The following SMIM36 variants were observed in gnomAD, a reference collection of about 807,000 sequenced individuals.
SMIM36 encodes small integral membrane protein 36.
intron 1 of SMIM36, among the ~76,000 whole-genome samples, chr17:55,488,834 T>A (rs540331514): frequency 2.6e-5 from 4 of 152,254 alleles, no homozygotes; most frequent in South Asian, 4.1e-4. Flanking sequence ...ATATATCTGA[T>A]CAAACGGCCC....
chr17:55,462,807 GA>G (rs1909168361), intron 4 of SMIM36, among the ~76,000 whole-genome samples: 2 of 152,120 alleles, frequency 1.3e-5, no homozygotes, highest in African/African-American at 4.8e-5. Context: ...GTCAGGCCCA[GA>G]GACAGAATAC....
At chr17:55,466,745 C>G (rs1197827972) in intron 4 of SMIM36, among the ~76,000 whole-genome samples, 2 of 152,114 alleles carry the variant, frequency 1.3e-5, no homozygotes, top group Non-Finnish European at 2.9e-5. Flanking sequence ...GGAAGCACCC[C>G]GGGTCTGCTC....
chr17:55,489,018 C>A (rs993753442), intron 1 of SMIM36, among the ~76,000 whole-genome samples: 1 of 152,082 alleles, frequency 6.6e-6, no homozygotes, highest in African/African-American at 2.4e-5. Context: ...CACAACTCTG[C>A]GGTAGATACC....
upstream of SMIM36, among the ~76,000 whole-genome samples, chr17:55,512,057 G>A (rs1378612040): frequency 6.6e-6 from 1 of 152,160 alleles, no homozygotes; most frequent in African/African-American, 2.4e-5. Context: ...TTTAAGAACA[G>A]TGGAAATCAG....
chr17:55,453,225 G>A (rs1232562065), intron 4 of SMIM36, among the ~76,000 whole-genome samples: 1 of 152,018 alleles, frequency 6.6e-6, no homozygotes, highest in Non-Finnish European at 1.5e-5. Context: ...ACTGAGGCGG[G>A]AAGATGGCTT....
chr17:55,523,680 C>T, the SMIM36 span, among the ~76,000 whole-genome samples: 3 of 152,110 alleles, frequency 2.0e-5, no homozygotes. Flanking sequence ...TAGGTTTCTG[C>T]TGTTTAGGGC....
At chr17:55,501,019 GTAATATATAATATATTATTATATATTA>G (rs1909924859) in intron 1 of SMIM36, among the ~76,000 whole-genome samples, 2 of 4,882 alleles carry the variant, frequency 4.1e-4, no homozygotes, top group Non-Finnish European at 2.9e-4. Context: ...ATTATATTTT[GTAATATATAATATATTATTATATATTA>G]TAATATATAA....
chr17:55,529,100 T>G, the SMIM36 span, among the ~76,000 whole-genome samples: 1 of 152,160 alleles, frequency 6.6e-6, no homozygotes, highest in Non-Finnish European at 1.5e-5. Flanking sequence ...CACCAACTAT[T>G]TAAACTTGTG....
At chr17:55,512,436 C>T (rs771140286), upstream of SMIM36, among the ~76,000 whole-genome samples, 8 of 152,198 alleles carry the variant, frequency 5.3e-5, no homozygotes, top group Non-Finnish European at 8.8e-5. Context: ...AGGGGAGTGA[C>T]ACTACTGAAT....
rs559102612 is a variant in SMIM36 at position 55,477,361 on chromosome 17, C to T, written c.*347+1401G>A. On this transcript the variant is annotated intron_variant, in intron 3 of 4. Coordinates refer to ENST00000636752, the Ensembl canonical transcript of SMIM36. ...TGGCTTCCAGTGTTTACATTCAATT[C>T]TTGAGTTCCCTGGCTTAGAGATGCA... Among the ~76,000 whole-genome samples, 47 of 152,256 alleles carry T rather than the reference C, an allele frequency of 3.1e-4. 1 individual carries two copies. The South Asian group carries it at 8.9e-3, about 29-fold the overall frequency.
chr17:55,463,988 T>C (rs1909190642), intron 4 of SMIM36, among the ~76,000 whole-genome samples: 2 of 151,924 alleles, frequency 1.3e-5, no homozygotes, highest in South Asian at 4.2e-4. Flanking sequence ...TGGAGGCATG[T>C]TCCTGTATCC....
intron 3 of SMIM36, among the ~76,000 whole-genome samples, chr17:55,471,479 CA>C (rs1909340948): frequency 6.6e-6 from 1 of 152,094 alleles, no homozygotes. Context: ...TCCTGCAGAC[CA>C]TGTTCAGTTA....
chr17:55,492,989 A>G (rs1909740005), intron 1 of SMIM36, among the ~76,000 whole-genome samples: 1 of 152,218 alleles, frequency 6.6e-6, no homozygotes, highest in Non-Finnish European at 1.5e-5. Flanking sequence ...AGAATCACCA[A>G]CGCGGGGACA....
At chr17:55,481,934 C>T (rs1295526618) in intron 1 of SMIM36, among the ~76,000 whole-genome samples, 1 of 152,126 alleles carries the variant, frequency 6.6e-6, no homozygotes, top group Non-Finnish European at 1.5e-5. Context: ...TAGACTCAAG[C>T]GATTCTCCTG....
intron 4 of SMIM36, among the ~76,000 whole-genome samples, chr17:55,451,324 C>T (rs1287784524): frequency 1.3e-5 from 2 of 152,232 alleles, no homozygotes; most frequent in Non-Finnish European, 2.9e-5. Context: ...CCTTCAGCAC[C>T]TCCAGCTGGC....
chr17:55,481,695 A>G (rs1909523833), intron 1 of SMIM36, among the ~76,000 whole-genome samples: 2 of 151,988 alleles, frequency 1.3e-5, no homozygotes, highest in African/African-American at 4.8e-5. Flanking sequence ...AAGCATCATA[A>G]TTATTATTAT....
At chr17:55,482,731 C>T (rs990661025) in intron 1 of SMIM36, among the ~76,000 whole-genome samples, 5 of 152,168 alleles carry the variant, frequency 3.3e-5, no homozygotes, top group African/African-American at 1.2e-4. Flanking sequence ...ACATTGCTGA[C>T]ATAGAGAATT....
chr17:55,473,985 CCTGTT>C (rs1222523346), intron 3 of SMIM36, among the ~76,000 whole-genome samples: 7 of 152,086 alleles, frequency 4.6e-5, no homozygotes, highest in African/African-American at 7.2e-5. Flanking sequence ...AGATCCCTGT[CCTGTT>C]CTGTTCTGTT....
intron 1 of SMIM36, among the ~76,000 whole-genome samples, chr17:55,505,602 A>G (rs1910067934): frequency 1.5e-5 from 1 of 68,288 alleles, no homozygotes; most frequent in Non-Finnish European, 2.3e-5. Flanking sequence ...ATCTATGACA[A>G]ACCCACAGCC....
Sources: gnomAD v4.1 joint callset for allele counts (sites outside exome capture counted in the v4.1 genomes callset) on GRCh38, gnomAD v4.1.1 for gene constraint, MANE v1.5 for transcripts, NCBI Gene and HGNC (gene_info 2026-07-23, HGNC 2026-07-21) for gene names.